IL23R: variants seen among roughly 807,000 people sequenced by gnomAD.
The protein encoded by IL23R is interleukin 23 receptor.
IL23R carries 34 observed loss-of-function variants against 56.9 expected under a neutral mutation model. The observed-to-expected ratio is 0.60, with a 90% CI of 0.45 to 0.80. The LOEUF is 0.80. Among genes scored for constraint, IL23R ranks in the 30% least tolerant of loss-of-function variants. The pLI is 0.00. For missense variants in IL23R, 635 were observed against 730.0 expected, an observed-to-expected ratio of 0.87 and a Z score of 1.50; for synonymous variants, 230 against 249.2, an observed-to-expected ratio of 0.92 and a Z score of 0.73.
intron 4 of IL23R, among the ~76,000 whole-genome samples, chr1:67,198,937 C>T (rs543868059): frequency 2.5e-4 from 38 of 152,062 alleles, no homozygotes; most frequent in Non-Finnish European, 4.4e-4. Context: ...AGAGCCAGAC[C>T]CTGTCTCAAA....
intron 3 of IL23R, among the ~76,000 whole-genome samples, 198 bp from the exon 4 acceptor site, chr1:67,182,638 C>G (rs1647165137): frequency 6.6e-6 from 1 of 152,152 alleles, no homozygotes; most frequent in Admixed American, 6.5e-5. Flanking sequence ...ACTGCACCCA[C>G]TGTCCCGCAC....
intron 10 of IL23R, among the ~76,000 whole-genome samples, chr1:67,257,413 T>C (rs1048041586): frequency 6.6e-6 from 1 of 152,146 alleles, no homozygotes; most frequent in East Asian, 1.9e-4. Context: ...ATCCCATTCA[T>C]GAAGGCTCCG....
At chr1:67,219,238 C>A (rs1192864196) in intron 6 of IL23R, among the ~76,000 whole-genome samples, 1 of 152,036 alleles carries the variant, frequency 6.6e-6, no homozygotes, top group Non-Finnish European at 1.5e-5. Flanking sequence ...TGTTGTAGTG[C>A]ATGACTGTAA....
At chr1:67,197,162 A>T (rs911103259) in intron 4 of IL23R, among the ~76,000 whole-genome samples, 1 of 152,144 alleles carries the variant, frequency 6.6e-6, no homozygotes, top group Non-Finnish European at 1.5e-5. Context: ...GGGACATGCC[A>T]CTAAGTAGGT....
At chr1:67,260,502 C>T (rs1372162677), downstream of IL23R, among the ~76,000 whole-genome samples, 6 of 152,038 alleles carry the variant, frequency 3.9e-5, no homozygotes, top group Non-Finnish European at 7.4e-5. Context: ...CAGAACAGGC[C>T]TTTCTACTGA....
intron 1 of IL23R, among the ~76,000 whole-genome samples, chr1:67,160,387 A>T (rs904547467): frequency 6.6e-6 from 1 of 152,224 alleles, no homozygotes; most frequent in Non-Finnish European, 1.5e-5. Flanking sequence ...TCAAATTGCC[A>T]ATTGAATTGT....
intron 4 of IL23R, among the ~76,000 whole-genome samples, chr1:67,193,743 G>A (rs1647917257): frequency 6.6e-6 from 1 of 152,182 alleles, no homozygotes; most frequent in African/African-American, 2.4e-5. Context: ...GACACGAAAT[G>A]TGGGAAGATT....
At chr1:67,174,040 A>G (rs978772786) in intron 3 of IL23R, among the ~76,000 whole-genome samples, 2 of 152,178 alleles carry the variant, frequency 1.3e-5, no homozygotes, top group Non-Finnish European at 2.9e-5. Flanking sequence ...GGACTGTATT[A>G]TAGTTTATTT....
chr1:67,211,910 C>T (rs1434202455), intron 6 of IL23R, among the ~76,000 whole-genome samples: 3 of 152,096 alleles, frequency 2.0e-5, no homozygotes, highest in African/African-American at 4.8e-5. Flanking sequence ...CTCATATGCT[C>T]TTCATAACAA....
In IL23R at chr1:67,168,079, A is replaced by AT. The variant is rs757334721; in HGVS notation, c.-29-5dup. 1.1e-4 allele frequency: 145 copies of AT among 1,365,688 alleles called. No homozygotes were observed. Among genetic ancestry groups the AT allele is most frequent in the African/African-American group, 2.6e-4 (18 of 70,046 alleles). 84.6% of individuals were successfully genotyped at this position (1,365,688 alleles called of 1,614,324 possible). ...ATACTACAATTTAAACATTTTTCATATTTTTTTTCCAGAGGGAAACAGTCT... is the reference window on the plus strand; with the variant it reads ...ATACTACAATTTAAACATTTTTCATATTTTTTTTTCCAGAGGGAAACAGTCT... On this transcript the variant is annotated splice_polypyrimidine_tract_variant and intron_variant, in intron 1 of 10. Transcript: ENST00000347310.
At chr1:67,237,930 A>T (rs1651591191) in intron 8 of IL23R, among the ~76,000 whole-genome samples, 1 of 152,204 alleles carries the variant, frequency 6.6e-6, no homozygotes, top group Admixed American at 6.5e-5. Context: ...GGTACTGGGG[A>T]ATCAGCAGTG....
At chr1:67,227,990 CTT>C (rs1302620784) in intron 7 of IL23R, among the ~76,000 whole-genome samples, 1 of 98,718 alleles carries the variant, frequency 1.0e-5, no homozygotes, top group East Asian at 2.3e-4. Context: ...TTCTTTCTTT[CTT>C]TCTTTCTTTC....
At chr1:67,263,373 C>T (rs1484071129), downstream of IL23R, among the ~76,000 whole-genome samples, 1 of 152,014 alleles carries the variant, frequency 6.6e-6, no homozygotes, top group African/African-American at 2.4e-5. Flanking sequence ...AGGCATGAAC[C>T]ACTGCACCCA....
intron 3 of IL23R, among the ~76,000 whole-genome samples, chr1:67,172,061 G>A (rs1646950957): frequency 6.6e-6 from 1 of 152,126 alleles, no homozygotes; most frequent in Non-Finnish European, 1.5e-5. Flanking sequence ...ATAGGCCTCT[G>A]GTTATGAGTG....
At chr1:67,161,991 T>G (rs918262567), upstream of IL23R, among the ~76,000 whole-genome samples, 7 of 152,180 alleles carry the variant, frequency 4.6e-5, no homozygotes, top group African/African-American at 1.7e-4. Flanking sequence ...ATTGAACATT[T>G]CAAAGACGAA....
chr1:67,205,923 CTT>C (rs768373240), intron 5 of IL23R, among the ~76,000 whole-genome samples: 44 of 96,384 alleles, frequency 4.6e-4, no homozygotes, highest in Admixed American at 8.9e-4. Flanking sequence ...TTCTTTCTTT[CTT>C]TTTCTTTCTT....
intron 7 of IL23R, among the ~76,000 whole-genome samples, chr1:67,227,982 CTTTCTTTCTTTCTT>C (rs1650765222): frequency 3.4e-5 from 3 of 89,548 alleles, no homozygotes; most frequent in Non-Finnish European, 4.7e-5. Context: ...TTCTTTCTTT[CTTTCTTTCTTTCTT>C]TCTTTCTTTC....
At chr1:67,219,847 C>T (rs1194869584) in intron 7 of IL23R, 117 bp downstream of exon 7, 6 of 987,388 alleles carry the variant, frequency 6.1e-6, no homozygotes, top group African/African-American at 3.2e-5. Flanking sequence ...AGGAAGATTG[C>T]TTGAGCCTAG....
Position 67,181,981 on chromosome 1 carries a change from G to A in IL23R, c.368-855G>A, listed in dbSNP as rs142989624. On this transcript the variant is annotated intron_variant, in intron 3 of 10. Transcript: ENST00000347310. ...GAACAGCAAATGTTGCTGCCTGATT[G>A]TTCCTCTGGAAGTTTTGTCTCAGAG... is the stretch of plus-strand genomic sequence containing the variant. Among the ~76,000 whole-genome samples, 1,139 of 152,286 alleles carry A rather than the reference G, an allele frequency of 7.5e-3. 16 individuals are homozygous for A. Among genetic ancestry groups the A allele is most frequent in the African/African-American group, 0.026 (1,081 of 41,560 alleles).
Sources: gnomAD v4.1 joint callset for allele counts (sites outside exome capture counted in the v4.1 genomes callset) on GRCh38, gnomAD v4.1.1 for gene constraint, MANE v1.5 for transcripts, NCBI Gene and HGNC (gene_info 2026-07-23, HGNC 2026-07-21) for gene names.